Variants in TAFA5 observed in about 807,000 individuals in gnomAD.
TAFA5 encodes the protein TAFA chemokine like family member 5.
In TAFA5, 6 loss-of-function variants were observed where a neutral mutation model predicts 15.3. The observed-to-expected ratio is 0.39, with a 90% CI of 0.21 to 0.77. The LOEUF (loss-of-function observed/expected upper bound fraction) is 0.77. Among genes scored for constraint, TAFA5 ranks in the 30% least tolerant of loss-of-function variants. The pLI is 0.41. For missense variants in TAFA5, 161 were observed against 193.1 expected, an observed-to-expected ratio of 0.83 and a Z score of 0.98; for synonymous variants, 103 against 80.7, an observed-to-expected ratio of 1.28 and a Z score of -1.48.
chr22:48,617,429 G>A (rs1925649948), intron 1 of TAFA5, among the ~76,000 whole-genome samples: 1 of 152,228 alleles, frequency 6.6e-6, no homozygotes, highest in South Asian at 2.1e-4. Context: ...AGAGCAGCAA[G>A]AGGATAAATG....
intron 3 of TAFA5, among the ~76,000 whole-genome samples, chr22:48,715,867 C>T (rs747755368): frequency 1.1e-4 from 16 of 152,194 alleles, no homozygotes; most frequent in Non-Finnish European, 7.3e-5. Flanking sequence ...AAAGGAGTGT[C>T]GAGAAGCCTG....
chr22:48,546,500 CT>C (rs775867268), intron 1 of TAFA5: 51 of 471,066 alleles, frequency 1.1e-4, no homozygotes, highest in Non-Finnish European at 2.1e-4. Context: ...GTGGACGCCC[CT>C]GTTTTTCTCA....
intron 3 of TAFA5, among the ~76,000 whole-genome samples, chr22:48,718,909 C>T (rs567400887): frequency 1.1e-4 from 16 of 152,298 alleles, no homozygotes; most frequent in African/African-American, 2.4e-4. Context: ...CCCCTGCCCC[C>T]GGCTCACTGT....
At chr22:48,526,766 G>T (rs1921795754) in intron 1 of TAFA5, among the ~76,000 whole-genome samples, 1 of 152,226 alleles carries the variant, frequency 6.6e-6, no homozygotes, top group South Asian at 2.1e-4. Context: ...TTGCAAGACG[G>T]CACTTTCATT....
chr22:48,583,881 C>T (rs1265152210), intron 1 of TAFA5, among the ~76,000 whole-genome samples: 5 of 150,328 alleles, frequency 3.3e-5, no homozygotes, highest in African/African-American at 9.8e-5. Flanking sequence ...CAACATCATA[C>T]ACACACGCCA....
intron 3 of TAFA5, among the ~76,000 whole-genome samples, chr22:48,717,292 A>G (rs1448021538): frequency 6.6e-6 from 1 of 152,214 alleles, no homozygotes; most frequent in Non-Finnish European, 1.5e-5. Flanking sequence ...CTGGAACTCC[A>G]TCACTGCTGG....
At chr22:48,707,211 C>G (rs1366099137) in intron 2 of TAFA5, among the ~76,000 whole-genome samples, 1 of 152,164 alleles carries the variant, frequency 6.6e-6, no homozygotes, top group Non-Finnish European at 1.5e-5. Flanking sequence ...GTAAAATCCT[C>G]CAGTCAAGGA....
chr22:48,692,954 G>A (rs1332330798), intron 2 of TAFA5, among the ~76,000 whole-genome samples: 2 of 152,202 alleles, frequency 1.3e-5, no homozygotes, highest in African/African-American at 2.4e-5. Flanking sequence ...CATCGGCGGC[G>A]CCTTGGGCCC....
At chr22:48,695,870 A>C (rs1348372662) in intron 2 of TAFA5, among the ~76,000 whole-genome samples, 1 of 152,196 alleles carries the variant, frequency 6.6e-6, no homozygotes, top group East Asian at 1.9e-4. Flanking sequence ...CAAGTTCTGC[A>C]TACAGCATCA....
chr22:48,620,986 C>A (rs1925803413), intron 1 of TAFA5, among the ~76,000 whole-genome samples: 2 of 138,366 alleles, frequency 1.4e-5, no homozygotes, highest in African/African-American at 3.0e-5. Flanking sequence ...ATCCATCCAC[C>A]CACCCACCCA....
chr22:48,564,014 G>A lies in TAFA5; in HGVS notation c.112+74310G>A, dbSNP rs187934786. ...ATTGTACAGCCAAGGGTTCCTCAGC[G>A]TGGGGTCCCCCAAAAGCAGACCCTA... is the stretch of plus-strand genomic sequence containing the variant. On this transcript the variant is annotated intron_variant, in intron 1 of 3. Coordinates refer to ENST00000402357, the MANE Select transcript of TAFA5 (RefSeq NM_001082967.3). Among the ~76,000 whole-genome samples the A allele has an allele frequency of 4.6e-5, 7 of 152,346 alleles. No individual in the cohort carries two copies. In the East Asian group the frequency reaches 5.8e-4, roughly 13 times the overall value.
chr22:48,565,325 G>A (rs1923373896), intron 1 of TAFA5, among the ~76,000 whole-genome samples: 1 of 152,238 alleles, frequency 6.6e-6, no homozygotes, highest in African/African-American at 2.4e-5. Flanking sequence ...GGGTAGAGGA[G>A]TGGGAATGTA....
chr22:48,734,287 A>G (rs1601705717), intron 3 of TAFA5, among the ~76,000 whole-genome samples: 1 of 152,260 alleles, frequency 6.6e-6, no homozygotes, highest in East Asian at 1.9e-4. Flanking sequence ...AGACGCTGAC[A>G]TGGGGAGTGG....
chr22:48,514,228 C>T (rs954354703), intron 1 of TAFA5, among the ~76,000 whole-genome samples: 2 of 152,170 alleles, frequency 1.3e-5, no homozygotes, highest in African/African-American at 4.8e-5. Context: ...AGAAAATTTC[C>T]ATCTCAATTA....
chr22:48,620,983 CACCCACCCACCCACACTATCT>C, intron 1 of TAFA5, among the ~76,000 whole-genome samples: 17 of 137,210 alleles, frequency 1.2e-4, no homozygotes, highest in Non-Finnish European at 1.5e-4. Flanking sequence ...TTCATCCATC[CACCCACCCACCCACACTATCT>C]ATCCACCCAT....
chr22:48,745,897 G>A (rs132262), intron 3 of TAFA5, among the ~76,000 whole-genome samples: 105,329 of 152,122 alleles, frequency 0.69, 37,600 homozygotes, highest in African/African-American at 0.78. Context: ...CCACACACGC[G>A]TCAGAGGAGG....
intron 2 of TAFA5, among the ~76,000 whole-genome samples, chr22:48,661,741 C>T (rs576770025): frequency 6.6e-6 from 1 of 152,336 alleles, no homozygotes; most frequent in South Asian, 2.1e-4. Flanking sequence ...CTCTGGGAAC[C>T]TCCGGGCTCT....
chr22:48,586,578 G>C (rs769440810), intron 1 of TAFA5, among the ~76,000 whole-genome samples: 32 of 152,254 alleles, frequency 2.1e-4, no homozygotes, highest in Non-Finnish European at 4.3e-4. Context: ...CTGTGGAGCA[G>C]ATGAGGCCAC....
chr22:48,750,676 T>C lies in TAFA5; in HGVS notation c.*829T>C, dbSNP rs113299767. Reference sequence around the variant, plus strand: ...GCCTCTTCTACAGCTCCATTTTTGATAGTTGGATAATCCAGTATCTGCCAA... The same window carrying C: ...GCCTCTTCTACAGCTCCATTTTTGACAGTTGGATAATCCAGTATCTGCCAA... On this transcript the variant is annotated 3_prime_UTR_variant, in exon 4 of 4. Transcript: ENST00000402357. The C allele has an allele frequency of 0.021, 3,176 of 153,192 alleles. 55 individuals carry two copies. Among genetic ancestry groups the C allele is most frequent in the Admixed American group, 0.04 (614 of 15,312 alleles). The allele number at this position is 153,192 out of a possible 1,614,324, so 9.5% of individuals were successfully genotyped here.
Sources: gnomAD v4.1 joint callset for allele counts (sites outside exome capture counted in the v4.1 genomes callset) on GRCh38, gnomAD v4.1.1 for gene constraint, MANE v1.5 for transcripts, NCBI Gene and HGNC (gene_info 2026-07-23, HGNC 2026-07-21) for gene names.